Variants in GLIS1 observed in about 807,000 individuals in gnomAD.
GLIS1 encodes the protein GLIS family zinc finger 1, also known as zinc finger protein GLIS1.
A neutral mutation model predicts 63.8 loss-of-function variants in GLIS1; 24 were observed. The ratio of observed to expected loss-of-function variants is 0.38; its 90% CI spans 0.27 to 0.53. The LOEUF is 0.53. GLIS1 is among the 20% of genes least tolerant of loss of function. The pLI is 0.85. For synonymous variants in GLIS1, 450 were observed against 482.5 expected, an observed-to-expected ratio of 0.93 and a Z score of 0.88; for missense variants, 1,036 against 1,074.1, an observed-to-expected ratio of 0.96 and a Z score of 0.50.
At chr1:53,714,204 G>A (rs899350033) in intron 2 of GLIS1, among the ~76,000 whole-genome samples, 1 of 152,220 alleles carries the variant, frequency 6.6e-6, no homozygotes, top group Non-Finnish European at 1.5e-5. Flanking sequence ...TCGCCAACAA[G>A]TCATTCATCT....
At chr1:53,731,948 C>T (rs1646865725) in intron 2 of GLIS1, among the ~76,000 whole-genome samples, 1 of 152,240 alleles carries the variant, frequency 6.6e-6, no homozygotes, top group African/African-American at 2.4e-5. Flanking sequence ...CTGAACTGCT[C>T]TCCATTTTAC....
intron 4 of GLIS1, among the ~76,000 whole-genome samples, chr1:53,533,217 C>A (rs1227301908): frequency 1.3e-5 from 2 of 152,206 alleles, no homozygotes; most frequent in Admixed American, 6.5e-5. Context: ...TCTGTGACAC[C>A]CATGAGCTTG....
intron 3 of GLIS1, among the ~76,000 whole-genome samples, chr1:53,597,518 G>A (rs891748849): frequency 1.3e-5 from 2 of 152,100 alleles, no homozygotes; most frequent in Admixed American, 6.5e-5. Context: ...TCAGGAAACC[G>A]AGGCTTTTAT....
rs1237201630 is a variant in GLIS1, at chr1:53,526,848, C to G, written c.1483-1961G>C. ...TTCCTCAGGCCCCATTCCCCGTGAG[C>G]CTGTGGGAAACCCTGTGGCCGTCCC... On this transcript the variant is annotated intron_variant, in intron 5 of 10. Transcript: ENST00000628545. This position sits in a 1 kb window ranked among gnomAD's most constrained non-coding sequence, Gnocchi z 4.4. 6.6e-6 allele frequency among the ~76,000 whole-genome samples: 1 copy of G among 152,254 alleles called. No individual in the cohort carries two copies.
At chr1:53,718,036 T>C (rs941240494) in intron 2 of GLIS1, among the ~76,000 whole-genome samples, 5 of 152,182 alleles carry the variant, frequency 3.3e-5, no homozygotes, top group African/African-American at 1.2e-4. Context: ...GCCCCCACTA[T>C]AGCAGCAATG....
intron 4 of GLIS1, among the ~76,000 whole-genome samples, chr1:53,542,190 T>C (rs12403311): frequency 0.2 from 31,126 of 152,190 alleles, 3,574 homozygotes; most frequent in South Asian, 0.33. Flanking sequence ...CTGATGGGCC[T>C]CGGTTTTCAT....
intron 4 of GLIS1, among the ~76,000 whole-genome samples, chr1:53,543,972 C>T (rs762901329): frequency 4.6e-5 from 7 of 152,266 alleles, no homozygotes; most frequent in East Asian, 1.9e-4. Flanking sequence ...AGGAGAAGCA[C>T]GCTGTGAGGA....
In GLIS1 at chr1:53,723,835, A is replaced by G. The variant is rs893928489; in HGVS notation, c.259+13971T>C. 2.6e-5 allele frequency among the ~76,000 whole-genome samples: 4 copies of G among 152,360 alleles called. No individual in the cohort carries two copies. In the South Asian group the frequency reaches 8.3e-4, roughly 32 times the overall value. On this transcript the variant is annotated intron_variant, in intron 2 of 10. Transcript: ENST00000628545. ...AAAGAAGGACTAGGAGTAAAAACTC[A>G]GTAATTTGTTAAAATCCAGGAACCT...
intron 2 of GLIS1, among the ~76,000 whole-genome samples, chr1:53,651,836 T>G (rs969424138): frequency 6.8e-6 from 1 of 146,532 alleles, no homozygotes; most frequent in South Asian, 2.1e-4. Flanking sequence ...TTCGTGCCAC[T>G]GCACTCCAGA....
At chr1:53,603,446 A>G (rs1286766310) in intron 2 of GLIS1, among the ~76,000 whole-genome samples, 10 of 152,204 alleles carry the variant, frequency 6.6e-5, no homozygotes, top group Non-Finnish European at 1.3e-4. Flanking sequence ...GTTAAACCCA[A>G]CACTGCAAAC....
chr1:53,704,225 G>GT (rs1490411931), intron 2 of GLIS1, among the ~76,000 whole-genome samples: 1 of 152,358 alleles, frequency 6.6e-6, no homozygotes, highest in Middle Eastern at 3.4e-3. Context: ...CAGGACCACC[G>GT]TGTCAAACAG....
chr1:53,667,073 G>A (rs1557511689), intron 2 of GLIS1, among the ~76,000 whole-genome samples: 1 of 152,206 alleles, frequency 6.6e-6, no homozygotes, highest in Non-Finnish European at 1.5e-5. Context: ...TTTTCTTGGT[G>A]AAAATGTTGA....
chr1:53,515,057 G>A (rs1431736668), intron 7 of GLIS1, among the ~76,000 whole-genome samples: 1 of 147,232 alleles, frequency 6.8e-6, no homozygotes, highest in Non-Finnish European at 1.5e-5. Context: ...AGAGGCGTGG[G>A]GTGCTTAGGG....
At chr1:53,570,363 C>T (rs544250832) in intron 4 of GLIS1, among the ~76,000 whole-genome samples, 1 of 152,062 alleles carries the variant, frequency 6.6e-6, no homozygotes, top group African/African-American at 2.4e-5. Flanking sequence ...CTCAAACAAT[C>T]CTCCCACCCC....
chr1:53,645,642 G>C (rs1645837160), intron 2 of GLIS1, among the ~76,000 whole-genome samples: 1 of 152,224 alleles, frequency 6.6e-6, no homozygotes, highest in African/African-American at 2.4e-5. Flanking sequence ...GGCCAACATG[G>C]GAAGAAGGGC....
In GLIS1 at chr1:53,577,476, G is replaced by A. The variant is rs74084745; in HGVS notation, c.1320+16632C>T. Among the ~76,000 whole-genome samples the A allele has an allele frequency of 2.1e-3, 323 of 152,300 alleles. 1 individual carries two copies. The highest frequency in any genetic ancestry group is 7.5e-3 in the African/African-American group (313 of 41,566). Reference sequence around the variant, plus strand: ...GACAAACACGTGAGTCTTACTGGCTGCCCAGTTTCCCCATAGTAAGAACTA... The same window carrying A: ...GACAAACACGTGAGTCTTACTGGCTACCCAGTTTCCCCATAGTAAGAACTA... On this transcript the variant is annotated intron_variant, in intron 4 of 10. Transcript: ENST00000628545.
intron 2 of GLIS1, among the ~76,000 whole-genome samples, chr1:53,670,682 T>C (rs1436184419): frequency 6.6e-6 from 1 of 152,204 alleles, no homozygotes; most frequent in Non-Finnish European, 1.5e-5. Context: ...CTCCAGTGTC[T>C]ATGTAAACTC....
intron 4 of GLIS1, among the ~76,000 whole-genome samples, chr1:53,542,252 G>A (rs1477450052): frequency 6.6e-6 from 1 of 152,258 alleles, no homozygotes; most frequent in Non-Finnish European, 1.5e-5. Context: ...CAAGCGCCGG[G>A]GGGAAGGAGA....
At chr1:53,585,572 G>T (rs1178392138) in intron 4 of GLIS1, among the ~76,000 whole-genome samples, 1 of 151,254 alleles carries the variant, frequency 6.6e-6, no homozygotes, top group South Asian at 2.1e-4. Flanking sequence ...GGATGGAGGT[G>T]GAAGTGAGGT....
Sources: gnomAD v4.1 joint callset for allele counts (sites outside exome capture counted in the v4.1 genomes callset) on GRCh38, gnomAD v4.1.1 for gene constraint, Gnocchi (gnomAD v3.1) non-coding constraint, MANE v1.5 for transcripts, NCBI Gene and HGNC (gene_info 2026-07-23, HGNC 2026-07-21) for gene names.